AQR: variants seen among roughly 807,000 people sequenced by gnomAD.
AQR encodes RNA helicase aquarius.
Under a neutral mutation model 180.5 loss-of-function variants are expected in AQR, and 61 were observed. The observed-to-expected ratio is 0.34, with a 90% CI of 0.28 to 0.42. AQR has a LOEUF of 0.42. Among genes scored for constraint, AQR ranks in the 10% least tolerant of loss-of-function variants. The pLI is 1.00. For missense variants in AQR, 1,281 were observed against 1,798.3 expected, an observed-to-expected ratio of 0.71 and a Z score of 5.20; for synonymous variants, 551 against 588.8, an observed-to-expected ratio of 0.94 and a Z score of 0.93.
intron 6 of AQR, 25 bp downstream of exon 6, chr15:34,944,263 A>G: frequency 6.4e-7 from 1 of 1,551,640 alleles, no homozygotes; most frequent in Non-Finnish European, 8.7e-7. Flanking sequence ...CTTGAAAATT[A>G]CCCCAAAATA....
chr15:34,893,229 T>C (rs148716611), intron 23 of AQR, among the ~76,000 whole-genome samples: 8 of 152,324 alleles, frequency 5.3e-5, no homozygotes, highest in African/African-American at 1.9e-4. Context: ...GAGAAGGGTT[T>C]CTATCCCTAA....
chr15:34,918,429 A>T (rs767846136), intron 14 of AQR, 51 bp from the exon 15 acceptor site: 1 of 1,575,726 alleles, frequency 6.3e-7, no homozygotes, highest in Non-Finnish European at 8.6e-7. Context: ...ATCTTTTTTC[A>T]ATCAAAATAA....
intron 1 of AQR, among the ~76,000 whole-genome samples, chr15:34,966,432 T>C (rs1019094940): frequency 6.6e-6 from 1 of 152,200 alleles, no homozygotes; most frequent in Non-Finnish European, 1.5e-5. Context: ...AATGATACTT[T>C]CTCAATGAGA....
intron 8 of AQR, among the ~76,000 whole-genome samples, chr15:34,939,063 CT>C (rs1251134077): frequency 2.6e-5 from 4 of 152,030 alleles, no homozygotes; most frequent in African/African-American, 9.7e-5. Flanking sequence ...TGAACGTTTT[CT>C]TTTTTCTGCT....
rs376890103 is a variant in AQR, at chr15:34,907,781, T to C, written c.1664-1069A>G. Among the ~76,000 whole-genome samples the C allele has an allele frequency of 1.1e-4, 16 of 152,320 alleles. No homozygotes were observed. The South Asian group carries it at 1.9e-3, about 18-fold the overall frequency. ...TGTGATGTCTGATCTGCACAGCTCATTAAAACTTCTAAGTCTTACAGCCAA... is the reference window on the plus strand; with the variant it reads ...TGTGATGTCTGATCTGCACAGCTCACTAAAACTTCTAAGTCTTACAGCCAA... On this transcript the variant is annotated intron_variant, in intron 17 of 34. Transcript: ENST00000156471.
intron 4 of AQR, among the ~76,000 whole-genome samples, chr15:34,950,295 G>C (rs1026921652): frequency 6.6e-6 from 1 of 151,648 alleles, no homozygotes; most frequent in Non-Finnish European, 1.5e-5. Context: ...TCACCATGTT[G>C]GCCAGTATGG....
Position 34,857,068 on chromosome 15 carries a change from A to G in AQR, c.4182T>C (p.Gly1394=), listed in dbSNP as rs750632859. ...CTGTTTCTTGATTTTGAACTTCCTC[A>G]CCCTCTTCTACCATAGCAGGTGGTA... ...LQLPPAMVEE[G]EEVQNQETEL... Residue 1394 remains glycine, a synonymous_variant, in exon 35 of 35, where the codon GGT becomes GGC. Transcript: ENST00000156471. 101 of 1,601,998 alleles carry G rather than the reference A, an allele frequency of 6.3e-5. No individual in the cohort carries two copies. The highest frequency in any genetic ancestry group is 8.5e-5 in the Non-Finnish European group (100 of 1,174,868).
In AQR at chr15:34,860,166, G is replaced by GA; in HGVS notation, c.4030-12dup. The GA allele has an allele frequency of 2.1e-6, 3 of 1,418,904 alleles. No homozygotes were observed. Among genetic ancestry groups the GA allele is most frequent in the East Asian group, 2.4e-5 (1 of 41,894 alleles). 87.9% of individuals were successfully genotyped at this position (1,418,904 alleles called of 1,614,324 possible). On this transcript the variant is annotated splice_polypyrimidine_tract_variant and intron_variant, in intron 33 of 34. Transcript: ENST00000156471. ...TGGTCTCTCTCCATTCTAGAAGAAGGAAAAAAGAACGTTAAGTATCTAGTA... is the reference window on the plus strand; with the variant it reads ...TGGTCTCTCTCCATTCTAGAAGAAGGAAAAAAAGAACGTTAAGTATCTAGTA...
In AQR at chr15:34,856,074, C is replaced by A. The variant is rs1266214881; in HGVS notation, c.*718G>T. The A allele has an allele frequency of 6.5e-6, 1 of 152,806 alleles. No homozygotes were observed. Among genetic ancestry groups the A allele is most frequent in the Non-Finnish European group, 1.5e-5 (1 of 68,488 alleles). The allele number at this position is 152,806 out of a possible 1,614,324, so 9.5% of individuals were successfully genotyped here. On this transcript the variant is annotated 3_prime_UTR_variant, in exon 35 of 35. Transcript: ENST00000156471. ...TCCTCCTATTTAGCTGATGACAAAT[C>A]CTGGCTCAGCCTAACCAGCCTTGGC...
chr15:34,932,519 T>C lies in AQR; in HGVS notation c.784-85A>G, dbSNP rs181002451. ...AATCTAGTGATATTTAACTCTCAAG[T>C]ATTAATCACATACAAGGTACCCTCC... On this transcript the variant is annotated intron_variant, in intron 10 of 34. Transcript: ENST00000156471. 13 of 977,624 alleles carry C rather than the reference T, an allele frequency of 1.3e-5. No homozygotes were observed. In the Admixed American group the frequency reaches 3.2e-4, roughly 24 times the overall value. The allele number at this position is 977,624 out of a possible 1,614,324, so 60.6% of individuals were successfully genotyped here.
intron 22 of AQR, among the ~76,000 whole-genome samples, chr15:34,895,223 A>T (rs1362665081): frequency 1.1e-5 from 1 of 92,336 alleles, no homozygotes; most frequent in Non-Finnish European, 2.2e-5. Context: ...TATATATATG[A>T]AACAAATAAA....
intron 8 of AQR, among the ~76,000 whole-genome samples, chr15:34,939,687 C>G (rs542892022): frequency 1.3e-5 from 2 of 152,260 alleles, no homozygotes; most frequent in African/African-American, 4.8e-5. Context: ...AGGGGAACGG[C>G]TAAAATCTAC....
chr15:34,950,084 C>CTTTTTTTTTTTTTT (rs1174370425), intron 4 of AQR, among the ~76,000 whole-genome samples: 1 of 74,084 alleles, frequency 1.3e-5, no homozygotes, highest in Non-Finnish European at 2.3e-5. Context: ...TGCTATTTTC[C>CTTTTTTTTTTTTTT]TTTTTTTTTT....
chr15:34,948,956 T>C (rs555039425), intron 4 of AQR, among the ~76,000 whole-genome samples: 1 of 152,170 alleles, frequency 6.6e-6, no homozygotes, highest in South Asian at 2.1e-4. Context: ...TACATAATTA[T>C]CACCACCAAA....
intron 23 of AQR, among the ~76,000 whole-genome samples, chr15:34,892,051 A>G (rs1353553152): frequency 6.6e-6 from 1 of 152,210 alleles, no homozygotes; most frequent in African/African-American, 2.4e-5. Flanking sequence ...GTGCTTCTGT[A>G]TATACCAACT....
Position 34,904,241 on chromosome 15 carries a change from A to G in AQR, c.2001+95T>C, listed in dbSNP as rs1893377154. ...TAAAAGCAGTCATTATTTTTTTCTT[A>G]ACAAATCTTCCTCTAACCAAATATC... On this transcript the variant is annotated intron_variant, in intron 19 of 34. Transcript: ENST00000156471. 5.6e-6 allele frequency: 5 copies of G among 887,238 alleles called. No individual in the cohort carries two copies. The African/African-American group carries it at 7.0e-5, about 12-fold the overall frequency. 55.0% of individuals were successfully genotyped at this position (887,238 alleles called of 1,614,324 possible).
Position 34,854,347 on chromosome 15 carries a change from C to G in AQR, c.*2445G>C, listed in dbSNP as rs939423297. The G allele has an allele frequency of 4.6e-5, 7 of 152,068 alleles. No individual in the cohort carries two copies. Among genetic ancestry groups the G allele is most frequent in the African/African-American group, 1.7e-4 (7 of 41,392 alleles). The allele number at this position is 152,068 out of a possible 1,614,324, so 9.4% of individuals were successfully genotyped here. On this transcript the variant is annotated 3_prime_UTR_variant, in exon 35 of 35. Coordinates refer to ENST00000156471, the MANE Select transcript of AQR (RefSeq NM_014691.3). The stretch of plus-strand genomic sequence containing the variant: ...TGAAATAGTCACATGGCTAGAGTAC[C>G]TGTGTCTGTAGTAATCCCAAACTAT...
chr15:34,899,676 TTATA>T (rs57273821), intron 20 of AQR, among the ~76,000 whole-genome samples: 2 of 147,390 alleles, frequency 1.4e-5, no homozygotes, highest in South Asian at 2.1e-4. Context: ...TGGCCTATTA[TTATA>T]TATATATATA....
rs1158354727 is a variant in AQR at position 34,921,927 on chromosome 15, C to A, written c.1119-1493G>T. 6.6e-5 allele frequency among the ~76,000 whole-genome samples: 10 copies of A among 152,220 alleles called. No individual in the cohort carries two copies. In the East Asian group the frequency reaches 1.9e-3, roughly 29 times the overall value. ...CCGGGCTTAAGCAATCCTCCCACCT[C>A]AGCCTCCCGAATAGGTGGAACCACA... On this transcript the variant is annotated intron_variant, in intron 13 of 34. Coordinates refer to ENST00000156471, the MANE Select transcript of AQR (RefSeq NM_014691.3).
Sources: gnomAD v4.1 joint callset for allele counts (sites outside exome capture counted in the v4.1 genomes callset) on GRCh38, gnomAD v4.1.1 for gene constraint, MANE v1.5 for transcripts, NCBI Gene and HGNC (gene_info 2026-07-23, HGNC 2026-07-21) for gene names.